The following NDUFS1 variants were observed in gnomAD, a reference collection of about 807,000 sequenced individuals.
The protein encoded by NDUFS1 is NADH:ubiquinone oxidoreductase core subunit S1.
A neutral mutation model predicts 84.4 loss-of-function variants in NDUFS1; 61 were observed. The observed-to-expected ratio is 0.72, with a 90% CI of 0.59 to 0.89. The LOEUF (loss-of-function observed/expected upper bound fraction) is 0.89, where lower values mean the gene tolerates loss of function less well. Ranked by LOEUF, NDUFS1 falls within the 40% of genes least tolerant of loss-of-function variation. The pLI, the probability that NDUFS1 is intolerant of heterozygous loss-of-function variation, is 0.00. For synonymous variants in NDUFS1, 275 were observed against 290.0 expected (o/e 0.95, Z 0.53); for missense variants, 891 against 890.0 (o/e 1.00, Z -0.01).
intron 12 of NDUFS1, among the ~76,000 whole-genome samples, 179 bp from the exon 13 acceptor site, chr2:206,138,793 G>A (rs1691823074): frequency 6.6e-6 from 1 of 152,144 alleles, no homozygotes; most frequent in Non-Finnish European, 1.5e-5. Flanking sequence ...GCATGCCAAG[G>A]CAATTCAGTG....
At chr2:206,146,103 T>C (rs890192549) in intron 8 of NDUFS1, among the ~76,000 whole-genome samples, 11 of 152,272 alleles carry the variant, frequency 7.2e-5, no homozygotes, top group Admixed American at 2.6e-4. Context: ...AACAGATCCA[T>C]TGGCAAAGAA....
In NDUFS1 at chr2:206,130,892, G is replaced by A. The variant is rs572660145; in HGVS notation, c.1554-650C>T. On this transcript the variant is annotated intron_variant, in intron 14 of 18. Transcript: ENST00000233190. ...TGATAAGTCATATATATTCAAAGAAGAAAAATCAGATTATTTCAAAAATGA... is the reference window on the plus strand; with the variant it reads ...TGATAAGTCATATATATTCAAAGAAAAAAAATCAGATTATTTCAAAAATGA... 5.2e-4 allele frequency among the ~76,000 whole-genome samples: 79 copies of A among 151,954 alleles called. 1 individual carries two copies. The South Asian group carries it at 8.9e-3, about 17-fold the overall frequency.
chr2:206,126,742 T>C lies in NDUFS1; in HGVS notation c.1987A>G (p.Asn663Asp), dbSNP rs772534476. 1.2e-6 allele frequency: 2 copies of C among 1,614,168 alleles called. No homozygotes were observed. The highest frequency in any genetic ancestry group is 2.2e-5 in the South Asian group (2 of 91,082). ...LVRYDDIEGA[N>D]YFQQANELSK... ...AGCTCATTTGCTTGCTGGAAGTAAT[T>C]AGCCCCTTCAATATCATCATATCGA... The change falls in exon 17 of 19, where the codon AAT (asparagine) becomes GAT (aspartate). Residue 663 changes from asparagine to aspartate, a missense_variant. Coordinates refer to ENST00000233190, the MANE Select transcript of NDUFS1 (RefSeq NM_005006.7).
chr2:206,149,101 G>T lies in NDUFS1; in HGVS notation c.262-5C>A. The T allele has an allele frequency of 6.2e-7, 1 of 1,604,310 alleles. No individual in the cohort carries two copies. Among genetic ancestry groups the T allele is most frequent in the Non-Finnish European group, 8.5e-7 (1 of 1,174,160 alleles). ...CATGGCACAAGCAGCTACAACCTGG[G>T]ATTTCAATGAAAAAAAAAAATGTGT... On this transcript the variant is annotated splice_polypyrimidine_tract_variant and splice_region_variant and intron_variant, in intron 4 of 18. Transcript: ENST00000233190.
rs1691160496 is a variant in NDUFS1 at position 206,123,339 on chromosome 2, A to T, written c.*846T>A. ...ATACATGCATACATGTATAACTTAT[A>T]AAAAAAAAAAAGCCACATAAATCAC... On this transcript the variant is annotated 3_prime_UTR_variant, in exon 19 of 19. Transcript: ENST00000233190. 1 of 125,370 alleles carries T rather than the reference A, an allele frequency of 8.0e-6. No individual in the cohort carries two copies. The highest frequency in any genetic ancestry group is 7.6e-5 in the Admixed American group (1 of 13,120). The allele number at this position is 125,370 out of a possible 1,614,324, so 7.8% of individuals were successfully genotyped here. A position where few individuals can be genotyped will look rare whatever the true frequency, so the allele number is the denominator to read the frequency against.
chr2:206,130,315 A>C lies in NDUFS1; in HGVS notation c.1554-73T>G. ...TAAAAAATTAAATGTGATTTTTGGA[A>C]TAATTTCCTTTCAACAATGTCAAAA... On this transcript the variant is annotated intron_variant, in intron 14 of 18. Coordinates refer to ENST00000233190, the MANE Select transcript of NDUFS1 (RefSeq NM_005006.7). The C allele has an allele frequency of 2.6e-6, 4 of 1,552,318 alleles. No homozygotes were observed. The African/African-American group carries it at 5.4e-5, about 21-fold the overall frequency.
intron 2 of NDUFS1, 37 bp from the exon 3 acceptor site, chr2:206,152,547 A>C (rs1692412266): frequency 6.4e-7 from 1 of 1,561,406 alleles, no homozygotes. Context: ...AAACAGATTA[A>C]CAGTTTATTA....
chr2:206,147,713 C>A (rs774741347), intron 6 of NDUFS1, 40 bp downstream of exon 6: 1 of 1,613,906 alleles, frequency 6.2e-7, no homozygotes, highest in Non-Finnish European at 8.5e-7. Flanking sequence ...AAATTAAAAT[C>A]TGAGACAACC....
At chr2:206,149,749 A>C in intron 4 of NDUFS1, 69 bp downstream of exon 4, 1 of 1,130,128 alleles carries the variant, frequency 8.8e-7, no homozygotes, top group South Asian at 1.2e-5. Context: ...GATTCTAAAT[A>C]AAGTTTGCTG....
chr2:206,143,613 G>C (rs1007172428), intron 10 of NDUFS1, among the ~76,000 whole-genome samples: 2 of 150,062 alleles, frequency 1.3e-5, no homozygotes, highest in East Asian at 3.9e-4. Context: ...ATGGAGTCTC[G>C]CTGTGTCACC....
chr2:206,138,488 G>A lies in NDUFS1; in HGVS notation c.1389C>T (p.Ser463=). Residue 463 remains serine, a synonymous_variant, in exon 13 of 19, where the codon AGC becomes AGT. Transcript: ENST00000233190. ...GATACACATAAGTTGAGAGCACCTG[G>A]CTAAATGGATGGCTTCCCGAAGCAA... ...QDIASGSHPF[S]QVLKEAKKPM... is the part of the protein sequence containing the mutation. 1 of 1,613,908 alleles carries A rather than the reference G, an allele frequency of 6.2e-7. No homozygotes were observed. Among genetic ancestry groups the A allele is most frequent in the South Asian group, 1.1e-5 (1 of 91,072 alleles).
intron 18 of NDUFS1, among the ~76,000 whole-genome samples, chr2:206,125,354 G>A (rs1012285849): frequency 1.1e-4 from 17 of 151,756 alleles, no homozygotes; most frequent in African/African-American, 3.4e-4. Context: ...CCTAGCTACC[G>A]AGGAGGCTGA....
rs566583027 is a variant in NDUFS1 at position 206,116,546 on chromosome 2, C to G, written c.*7639G>C. ...GGCAGCGCTACGCCTCAGCCACTCG[C>G]GCGGGGAGGCGGGGCGGTGTGGGCA... On this transcript the variant is annotated 3_prime_UTR_variant, in exon 19 of 19. Coordinates refer to ENST00000233190, the MANE Select transcript of NDUFS1 (RefSeq NM_005006.7). 3 of 763,558 alleles carry G rather than the reference C, an allele frequency of 3.9e-6. No individual in the cohort carries two copies. Among genetic ancestry groups the G allele is most frequent in the African/African-American group, 1.7e-5 (1 of 57,340 alleles). The allele number at this position is 763,558 out of a possible 1,614,324, so 47.3% of individuals were successfully genotyped here. A position where few individuals can be genotyped will look rare whatever the true frequency, so the allele number is the denominator to read the frequency against.
chr2:206,122,629 C>CAAAAAAAAAAAAAAAAAAAAAAA lies in NDUFS1; in HGVS notation c.*1555_*1556insTTTTTTTTTTTTTTTTTTTTTTT, dbSNP rs71034409. The CAAAAAAAAAAAAAAAAAAAAAAA allele has an allele frequency of 4.2e-4, 32 of 75,520 alleles. 2 individuals carry two copies. The highest frequency in any genetic ancestry group is 2.1e-3 in the African/African-American group (31 of 14,544). The allele number at this position is 75,520 out of a possible 1,614,324, so 4.7% of individuals were successfully genotyped here. ...TGGGTGACAGAGTAAGACTCCATCTCAAAAAAAAAAAAAAAACAAAGGGAA... is the reference window on the plus strand; with the variant it reads ...TGGGTGACAGAGTAAGACTCCATCTCAAAAAAAAAAAAAAAAAAAAAAAAAAAAAAAAAAAAAAACAAAGGGAA... On this transcript the variant is annotated 3_prime_UTR_variant, in exon 19 of 19. Transcript: ENST00000233190.
At chr2:206,142,972 C>T (rs1245824712) in intron 10 of NDUFS1, 141 bp from the exon 11 acceptor site, 2 of 1,198,772 alleles carry the variant, frequency 1.7e-6, no homozygotes, top group Non-Finnish European at 2.4e-6. Context: ...TACAACATGC[C>T]CAGGCACACT....
intron 15 of NDUFS1, among the ~76,000 whole-genome samples, chr2:206,129,041 G>C (rs1266871722): frequency 6.6e-6 from 1 of 152,068 alleles, no homozygotes; most frequent in Admixed American, 6.6e-5. Context: ...TGGAAACACT[G>C]CCACCCATTA....
intron 1 of NDUFS1, among the ~76,000 whole-genome samples, chr2:206,155,340 C>T (rs1011645182): frequency 6.6e-6 from 1 of 152,040 alleles, no homozygotes; most frequent in Non-Finnish European, 1.5e-5. Flanking sequence ...TGGTCTCCAT[C>T]TCCTGACCTC....
At position 206,130,251 on chromosome 2, in the gene NDUFS1, C is replaced by T; in HGVS notation, c.1554-9G>A. On this transcript the variant is annotated splice_polypyrimidine_tract_variant and intron_variant, in intron 14 of 18. Coordinates refer to ENST00000233190, the MANE Select transcript of NDUFS1 (RefSeq NM_005006.7). ...CTACTTGACTTGCAATCCTGCAAAGCAATTATGGAATTTTACCATAACTGC... is the reference window on the plus strand; with the variant it reads ...CTACTTGACTTGCAATCCTGCAAAGTAATTATGGAATTTTACCATAACTGC... 6.2e-7 allele frequency: 1 copy of T among 1,614,078 alleles called. No homozygotes were observed.
In NDUFS1 at chr2:206,142,048, A is replaced by G; in HGVS notation, c.1155T>C (p.Tyr385=). The G allele has an allele frequency of 6.2e-7, 1 of 1,604,804 alleles. No individual in the cohort carries two copies. ...AGAGTDLRSN[Y]LLNTTIAGVE... ...CACCAGCAATTGTAGTATTAAGAAG[A>G]TAATTGGAACGCAAATCTGTGCTAG... Residue 385 remains tyrosine, a synonymous_variant, in exon 12 of 19, where the codon TAT becomes TAC. Coordinates refer to ENST00000233190, the MANE Select transcript of NDUFS1 (RefSeq NM_005006.7).
Sources: gnomAD v4.1 joint callset for allele counts (sites outside exome capture counted in the v4.1 genomes callset) on GRCh38, gnomAD v4.1.1 for gene constraint, MANE v1.5 for transcripts, NCBI Gene and HGNC (gene_info 2026-07-23, HGNC 2026-07-21) for gene names.